The following CHLSN variants were observed in gnomAD, a reference collection of about 807,000 sequenced individuals.
CHLSN encodes protein cholesin.
the CHLSN span, chr7:1,055,311 A>ACG: frequency 2.1e-6 from 1 of 471,142 alleles, no homozygotes; most frequent in East Asian, 7.0e-5. Context: ...GGGCCCTCAC[A>ACG]CGCACGCGCA....
the CHLSN span, among the ~76,000 whole-genome samples, chr7:1,111,814 T>A: frequency 6.0e-5 from 9 of 150,334 alleles, no homozygotes; most frequent in African/African-American, 2.2e-4. Flanking sequence ...AAAAAAAAGT[T>A]GCAGTTTCCA....
the CHLSN span, among the ~76,000 whole-genome samples, chr7:1,019,893 C>T: frequency 1.3e-4 from 20 of 152,240 alleles, no homozygotes; most frequent in African/African-American, 4.8e-4. Flanking sequence ...CCCAGAGGCC[C>T]GCAGGCACTG....
At chr7:1,040,690 C>CA in the CHLSN span, among the ~76,000 whole-genome samples, 48,077 of 145,026 alleles carry the variant, frequency 0.33, 8,184 homozygotes, top group Admixed American at 0.41. Flanking sequence ...TTAAAAAGAA[C>CA]AAAAAAAAAA....
the CHLSN span, chr7:1,026,690 C>G: frequency 6.6e-6 from 1 of 152,244 alleles, no homozygotes; most frequent in South Asian, 2.1e-4. Flanking sequence ...CGTATGGGAA[C>G]CATGCAAAGA....
chr7:1,002,259 G>A, the CHLSN span, among the ~76,000 whole-genome samples: 1 of 128,286 alleles, frequency 7.8e-6, no homozygotes. Context: ...GGAGTCCTGT[G>A]GGTGAGTGGA....
chr7:1,090,756 G>A, the CHLSN span, among the ~76,000 whole-genome samples: 1 of 152,258 alleles, frequency 6.6e-6, no homozygotes, highest in African/African-American at 2.4e-5. Flanking sequence ...GTTACAAACA[G>A]CATTGCAAAA....
At chr7:991,299 C>T in the CHLSN span, among the ~76,000 whole-genome samples, 1 of 152,198 alleles carries the variant, frequency 6.6e-6, no homozygotes, top group Non-Finnish European at 1.5e-5. Context: ...ACCTCTCACC[C>T]CATCTCACCC....
chr7:1,133,834 T>C, the CHLSN span, among the ~76,000 whole-genome samples: 1 of 151,892 alleles, frequency 6.6e-6, no homozygotes, highest in Non-Finnish European at 1.5e-5. Flanking sequence ...ATAATGTTTG[T>C]TGTGAGACAA....
the CHLSN span, among the ~76,000 whole-genome samples, chr7:1,082,608 G>C: frequency 6.6e-6 from 1 of 152,354 alleles, no homozygotes; most frequent in East Asian, 1.9e-4. Context: ...CCGATGGGCA[G>C]AGATGACTGC....
At chr7:1,061,650 C>G in the CHLSN span, among the ~76,000 whole-genome samples, 2 of 152,046 alleles carry the variant, frequency 1.3e-5, no homozygotes, top group South Asian at 2.1e-4. Flanking sequence ...ATTCCCAAAG[C>G]CTTCACCTCA....
the CHLSN span, among the ~76,000 whole-genome samples, chr7:1,004,734 G>C: frequency 5.3e-5 from 8 of 152,204 alleles, no homozygotes; most frequent in South Asian, 2.1e-4. Flanking sequence ...TGGTCCCTGC[G>C]CAACTGCAGA....
the CHLSN span, chr7:1,088,004 A>G: frequency 6.6e-6 from 1 of 152,292 alleles, no homozygotes; most frequent in African/African-American, 2.4e-5. This position sits in a 1 kb window ranked among gnomAD's most constrained non-coding sequence, Gnocchi z 4.5. Flanking sequence ...CAGCAAAAAA[A>G]TGGTTAACAC....
the CHLSN span, among the ~76,000 whole-genome samples, chr7:1,050,853 C>G: frequency 1.3e-5 from 2 of 152,192 alleles, no homozygotes; most frequent in African/African-American, 4.8e-5. Flanking sequence ...GACCAGGAAC[C>G]CAGAAGGCTT....
chr7:1,093,596 C>G, the CHLSN span: 1 of 471,222 alleles, frequency 2.1e-6, no homozygotes, highest in Admixed American at 2.3e-5. Context: ...GGCAATTGCA[C>G]TCATGTGGAC....
At chr7:1,106,845 AG>A in the CHLSN span, among the ~76,000 whole-genome samples, 1 of 152,206 alleles carries the variant, frequency 6.6e-6, no homozygotes, top group Non-Finnish European at 1.5e-5. Flanking sequence ...GCAGTGGCGA[AG>A]GGCAGCTGGG....
At chr7:1,127,296 G>T in the CHLSN span, 1 of 1,611,532 alleles carries the variant, frequency 6.2e-7, no homozygotes. Flanking sequence ...CAGCCTCAGG[G>T]CCCAGCAGTG....
chr7:1,004,887 G>A, the CHLSN span, among the ~76,000 whole-genome samples: 4 of 152,192 alleles, frequency 2.6e-5, no homozygotes, highest in Non-Finnish European at 4.4e-5. Context: ...GGCCACTGCA[G>A]GGTCATCTGT....
At chr7:1,126,126 C>T in the CHLSN span, among the ~76,000 whole-genome samples, 8 of 151,888 alleles carry the variant, frequency 5.3e-5, no homozygotes, top group East Asian at 3.9e-4. Context: ...CTTGGGAGGC[C>T]GAGGCAGGTG....
chr7:1,090,503 G>A, the CHLSN span, among the ~76,000 whole-genome samples: 2 of 151,722 alleles, frequency 1.3e-5, no homozygotes, highest in East Asian at 3.9e-4. Context: ...CCCCACTGGC[G>A]GCAGAGCCGG....
Sources: gnomAD v4.1 joint callset for allele counts (sites outside exome capture counted in the v4.1 genomes callset) on GRCh38, gnomAD v4.1.1 for gene constraint, Gnocchi (gnomAD v3.1) non-coding constraint, MANE v1.5 for transcripts, NCBI Gene and HGNC (gene_info 2026-07-23, HGNC 2026-07-21) for gene names.